Variants in RPGRIP1L observed in about 807,000 individuals in gnomAD.
RPGRIP1L encodes protein fantom.
Under a neutral mutation model 160.4 loss-of-function variants are expected in RPGRIP1L, and 131 were observed. The ratio of observed to expected loss-of-function variants is 0.82; its 90% confidence interval spans 0.71 to 0.94. The LOEUF (loss-of-function observed/expected upper bound fraction) is 0.94. RPGRIP1L is among the 40% of genes least tolerant of loss of function. RPGRIP1L has a pLI of 0.00. For synonymous variants in RPGRIP1L, 510 were observed against 515.8 expected (o/e 0.99, Z 0.15); for missense variants, 1,522 against 1,535.8 (o/e 0.99, Z 0.15).
rs2151060257 is a variant in RPGRIP1L at position 53,641,476 on chromosome 16, C to T, written c.2684-1G>A. On this transcript the variant is annotated splice_acceptor_variant, in intron 17 of 26. Transcript: ENST00000647211. LOFTEE classifies it high-confidence loss of function. ...TGATGGTCTGTTAACTCAAATATTC[C>T]TGTCAAATTACAATAATTTTAATTA... 6.2e-7 allele frequency: 1 copy of T among 1,611,282 alleles called. No homozygotes were observed. The highest frequency in any genetic ancestry group is 8.5e-7 in the Non-Finnish European group (1 of 1,177,628).
intron 22 of RPGRIP1L, among the ~76,000 whole-genome samples, chr16:53,634,983 C>T (rs1028546424): frequency 6.6e-6 from 1 of 152,074 alleles, no homozygotes. Context: ...TTTGAGATAG[C>T]ATCTGAAACC....
At chr16:53,648,622 G>GCACACACACACACA (rs1372621947) in intron 16 of RPGRIP1L, among the ~76,000 whole-genome samples, 127 of 102,208 alleles carry the variant, frequency 1.2e-3, no homozygotes, top group African/African-American at 3.1e-3. Context: ...GTGCGCGCGC[G>GCACACACACACACA]CGCGCACACA....
intron 15 of RPGRIP1L, among the ~76,000 whole-genome samples, chr16:53,651,657 C>T (rs1966854818): frequency 6.6e-6 from 1 of 152,052 alleles, no homozygotes; most frequent in African/African-American, 2.4e-5. Flanking sequence ...CATTCTTTAC[C>T]CCCTCAGAGA....
At position 53,600,434 on chromosome 16, in the gene RPGRIP1L, G is replaced by C. The variant is rs1963330255; in HGVS notation, c.*1642C>G. 1 of 152,646 alleles carries C rather than the reference G, an allele frequency of 6.6e-6. No individual in the cohort carries two copies. The highest frequency in any genetic ancestry group is 2.1e-4 in the South Asian group (1 of 4,826). The allele number at this position is 152,646 out of a possible 1,614,324, so 9.5% of individuals were successfully genotyped here. On this transcript the variant is annotated 3_prime_UTR_variant, in exon 27 of 27. Coordinates refer to ENST00000647211, the MANE Select transcript of RPGRIP1L (RefSeq NM_015272.5). ...TATGAAGATTTGCAGAGTTGGATGA[G>C]AGCAAGATTCTTCTCGGAGATGGCA...
chr16:53,666,592 G>GTATA (rs71380041), intron 9 of RPGRIP1L, among the ~76,000 whole-genome samples: 8,035 of 147,344 alleles, frequency 0.055, 342 homozygotes, highest in Non-Finnish European at 0.08. Flanking sequence ...GTGTGTGTGT[G>GTATA]TATATATATA....
At chr16:53,692,638 C>T (rs1217880051) in intron 3 of RPGRIP1L, among the ~76,000 whole-genome samples, 2 of 152,164 alleles carry the variant, frequency 1.3e-5, no homozygotes. Context: ...CCATATGTTC[C>T]TGAAACGCAA....
chr16:53,671,764 C>A (rs1442938679), intron 8 of RPGRIP1L, among the ~76,000 whole-genome samples, 181 bp from the exon 9 acceptor site: 1 of 152,026 alleles, frequency 6.6e-6, no homozygotes, highest in African/African-American at 2.4e-5. Context: ...TGATTTTTCC[C>A]AAGTTGTTAA....
At chr16:53,670,987 C>T (rs1020868075) in intron 9 of RPGRIP1L, among the ~76,000 whole-genome samples, 2 of 152,066 alleles carry the variant, frequency 1.3e-5, no homozygotes, top group Non-Finnish European at 2.9e-5. Flanking sequence ...GTCCCAGTTG[C>T]TCAGGCTGCT....
At chr16:53,687,839 A>C (rs1345838285) in intron 5 of RPGRIP1L, 24 bp downstream of exon 5, 1 of 1,423,096 alleles carries the variant, frequency 7.0e-7, no homozygotes, top group South Asian at 1.2e-5. Flanking sequence ...AAGTTCTCAA[A>C]TTACCACAAA....
chr16:53,630,771 G>A (rs2151007429), intron 22 of RPGRIP1L, among the ~76,000 whole-genome samples: 2 of 152,022 alleles, frequency 1.3e-5, no homozygotes, highest in Non-Finnish European at 2.9e-5. Flanking sequence ...GTCTTGCTCT[G>A]TTGCCCAGGC....
At chr16:53,634,754 A>G (rs973128900) in intron 22 of RPGRIP1L, among the ~76,000 whole-genome samples, 1 of 152,206 alleles carries the variant, frequency 6.6e-6, no homozygotes, top group African/African-American at 2.4e-5. Context: ...CACCAAATGC[A>G]GATGCCAGTG....
At position 53,641,394 on chromosome 16, in the gene RPGRIP1L, G is replaced by A. The variant is rs2151059566; in HGVS notation, c.2765C>T (p.Pro922Leu). The A allele has an allele frequency of 6.2e-7, 1 of 1,614,012 alleles. No individual in the cohort carries two copies. Among genetic ancestry groups the A allele is most frequent in the Non-Finnish European group, 8.5e-7 (1 of 1,179,944 alleles). ...TTCAGTTGTTATTGATCCACTTGGT[G>A]GAAGGTAAGCAAATTTCCATTTCAA... is the stretch of plus-strand genomic sequence containing the variant. ...VILKWKFAYL[P>L]PSGSITTEDL... is the part of the protein sequence containing the mutation. The change falls in exon 18 of 27, where the codon CCA becomes CTA. Residue 922 changes from proline (P) to leucine (L), a missense_variant. By Grantham distance (98) the Pro-to-Leu change is moderately conservative. Coordinates refer to ENST00000647211, the MANE Select transcript of RPGRIP1L (RefSeq NM_015272.5).
intron 7 of RPGRIP1L, 103 bp downstream of exon 7, chr16:53,674,914 G>A: frequency 1.4e-6 from 1 of 724,706 alleles, no homozygotes; most frequent in East Asian, 2.7e-5. Flanking sequence ...TCAAAATTAT[G>A]TTCTAGTGTT....
At chr16:53,695,551 A>G in intron 3 of RPGRIP1L, 1 of 621,218 alleles carries the variant, frequency 1.6e-6, no homozygotes, top group Non-Finnish European at 2.9e-6. Context: ...TAGGCACAGC[A>G]TTTCTGAATA....
At chr16:53,695,571 GAA>G (rs1970693883) in intron 3 of RPGRIP1L, 6 of 607,990 alleles carry the variant, frequency 9.9e-6, no homozygotes, top group South Asian at 2.0e-5. Context: ...AAAAAAGAAT[GAA>G]AGAGTATCTA....
In RPGRIP1L at chr16:53,657,535, G is replaced by T. The variant is rs1029054579; in HGVS notation, c.1499C>A (p.Ala500Glu). The T allele has an allele frequency of 4.3e-6, 7 of 1,609,924 alleles. No individual in the cohort carries two copies. Among genetic ancestry groups the T allele is most frequent in the Non-Finnish European group, 5.9e-6 (7 of 1,176,618 alleles). Residue 500 changes from alanine (A) to glutamate (E), a missense_variant, in exon 13 of 27, where the codon GCA becomes GAA. Physicochemically the swap from Ala to Glu is moderately radical, Grantham distance 107. Transcript: ENST00000647211. ...CTCTTGCACCGTTTCTGCATGAGTT[G>T]CTTGCAGCTCTCTCATAGAGCGTTC... ...DLERSMRELQ[A>E]THAETVQELE...
chr16:53,607,364 G>A (rs942220503), intron 25 of RPGRIP1L, among the ~76,000 whole-genome samples: 2 of 152,040 alleles, frequency 1.3e-5, no homozygotes, highest in East Asian at 1.9e-4. Flanking sequence ...ACTTGGCATC[G>A]GAAAAGCTTG....
In RPGRIP1L at chr16:53,676,055, A is replaced by G. The variant is rs568379809; in HGVS notation, c.777-933T>C. ...GTAAGAGATTTTACTTTTAAAACTTATCTAGTGTACACATATTGGAAAAAT... is the reference window on the plus strand; with the variant it reads ...GTAAGAGATTTTACTTTTAAAACTTGTCTAGTGTACACATATTGGAAAAAT... On this transcript the variant is annotated intron_variant, in intron 6 of 26. Coordinates refer to ENST00000647211, the MANE Select transcript of RPGRIP1L (RefSeq NM_015272.5). Among the ~76,000 whole-genome samples the G allele has an allele frequency of 1.4e-4, 22 of 152,340 alleles. 1 individual carries two copies. In the East Asian group the frequency reaches 2.3e-3, roughly 16 times the overall value.
intron 13 of RPGRIP1L, 46 bp downstream of exon 13, chr16:53,657,407 G>C (rs1567847221): frequency 5.5e-6 from 7 of 1,284,104 alleles, no homozygotes; most frequent in South Asian, 1.2e-5. Context: ...TAAATCATCA[G>C]AATATTATAG....
Sources: gnomAD v4.1 joint callset for allele counts (sites outside exome capture counted in the v4.1 genomes callset) on GRCh38, gnomAD v4.1.1 for gene constraint, MANE v1.5 for transcripts, NCBI Gene and HGNC (gene_info 2026-07-23, HGNC 2026-07-21) for gene names.